LSAMP: variants seen among roughly 807,000 people sequenced by gnomAD.
LSAMP encodes the protein limbic system-associated membrane protein.
Under a neutral mutation model 38.6 loss-of-function variants are expected in LSAMP, and 7 were observed. That is an observed-to-expected ratio of 0.18 (90% confidence interval 0.10 to 0.34). The LOEUF (loss-of-function observed/expected upper bound fraction) is 0.34. Ranked by LOEUF, LSAMP falls within the 10% of genes least tolerant of loss-of-function variation. LSAMP has a pLI of 1.00. For missense variants in LSAMP, 313 were observed against 420.0 expected (o/e 0.75, Z 2.23); for synonymous variants, 154 against 166.8 (o/e 0.92, Z 0.59).
At chr3:116,129,486 A>G (rs1372283565) in intron 1 of LSAMP, among the ~76,000 whole-genome samples, 4 of 152,334 alleles carry the variant, frequency 2.6e-5, no homozygotes, top group Middle Eastern at 3.4e-3. Context: ...TTTATTTACA[A>G]AAAGGAAATC....
chr3:116,022,251 T>C (rs1171651261), intron 2 of LSAMP, among the ~76,000 whole-genome samples: 5 of 150,408 alleles, frequency 3.3e-5, no homozygotes, highest in African/African-American at 1.2e-4. Context: ...TTTTTTTTTC[T>C]TTTTTCCTGT....
chr3:116,102,873 G>A lies in LSAMP; in HGVS notation c.156-16317C>T, dbSNP rs545498161. On this transcript the variant is annotated intron_variant, in intron 1 of 6. Coordinates refer to ENST00000490035, the MANE Select transcript of LSAMP (RefSeq NM_002338.5). Reference sequence around the variant, plus strand: ...AGTAAGTTTTAACAAAATATTTTAAGTAAGCTGAGCTTAGCTCAATCAAAT... The same window carrying A: ...AGTAAGTTTTAACAAAATATTTTAAATAAGCTGAGCTTAGCTCAATCAAAT... Among the ~76,000 whole-genome samples, 4 of 152,236 alleles carry A rather than the reference G, an allele frequency of 2.6e-5. No individual in the cohort carries two copies. The South Asian group carries it at 6.2e-4, about 24-fold the overall frequency.
rs376107993 is a variant in LSAMP at position 116,260,683 on chromosome 3, C to A, written c.156-174127G>T. ...GGATAGGACTTCTTTGCTGCTACAC[C>A]AGCATAACTTCCAGGTTTCTAACTC... On this transcript the variant is annotated intron_variant, in intron 1 of 6. Transcript: ENST00000490035. Among the ~76,000 whole-genome samples the A allele has an allele frequency of 4.6e-5, 7 of 152,210 alleles. No individual in the cohort carries two copies. The East Asian group carries it at 1.4e-3, about 29-fold the overall frequency.
chr3:116,272,252 C>CTGTT (rs1445532756), intron 1 of LSAMP, among the ~76,000 whole-genome samples: 1 of 152,052 alleles, frequency 6.6e-6, no homozygotes, highest in Non-Finnish European at 1.5e-5. Context: ...ATCCTGAGTC[C>CTGTT]TGTTTTATCA....
intron 6 of LSAMP, among the ~76,000 whole-genome samples, chr3:115,839,355 CTTTCTTTTCT>C (rs2107499814): frequency 6.9e-6 from 1 of 145,864 alleles, no homozygotes; most frequent in South Asian, 2.2e-4. Flanking sequence ...CTCTCTTTTC[CTTTCTTTTCT>C]TTTAGAACTC....
At chr3:115,980,960 G>C (rs985443215) in intron 3 of LSAMP, among the ~76,000 whole-genome samples, 2 of 152,014 alleles carry the variant, frequency 1.3e-5, no homozygotes, top group African/African-American at 2.4e-5. Context: ...GTGAATTGTC[G>C]TTTCACTGGT....
intron 3 of LSAMP, among the ~76,000 whole-genome samples, chr3:115,997,665 G>C (rs1383590361): frequency 6.9e-6 from 1 of 145,492 alleles, no homozygotes; most frequent in African/African-American, 2.5e-5. Flanking sequence ...AGGCAGGACT[G>C]TGTAGCTAGG....
chr3:115,807,152 T>C lies in LSAMP; in HGVS notation c.*3165A>G, dbSNP rs1312663566. 1 of 152,188 alleles carries C rather than the reference T, an allele frequency of 6.6e-6. No individual in the cohort carries two copies. Among genetic ancestry groups the C allele is most frequent in the African/African-American group, 2.4e-5 (1 of 41,446 alleles). The allele number at this position is 152,188 out of a possible 1,614,324, so 9.4% of individuals were successfully genotyped here. On this transcript the variant is annotated 3_prime_UTR_variant, in exon 7 of 7. Transcript: ENST00000490035. Reference sequence around the variant, plus strand: ...ATTCTTGAAGGAATTTATTCCAATATGATTAACTAAATTCCAAGAAGTCTT... The same window carrying C: ...ATTCTTGAAGGAATTTATTCCAATACGATTAACTAAATTCCAAGAAGTCTT...
chr3:116,371,090 A>G (rs900915717), intron 1 of LSAMP, among the ~76,000 whole-genome samples: 4 of 152,216 alleles, frequency 2.6e-5, no homozygotes, highest in South Asian at 2.1e-4. Flanking sequence ...ACAACAGCCC[A>G]GTAACTGATG....
At chr3:116,008,252 C>T (rs569164133) in intron 3 of LSAMP, among the ~76,000 whole-genome samples, 64 of 152,236 alleles carry the variant, frequency 4.2e-4, no homozygotes, top group East Asian at 1.2e-3. Flanking sequence ...GTTTTACAGA[C>T]GGAAAGTAGA....
At chr3:115,972,807 A>C (rs142624416) in intron 3 of LSAMP, among the ~76,000 whole-genome samples, 15 of 150,606 alleles carry the variant, frequency 1.0e-4, no homozygotes, top group African/African-American at 3.6e-4. Flanking sequence ...TGATGCAGTT[A>C]TTGTGAGGAT....
At chr3:116,181,718 G>A (rs1424937359) in intron 1 of LSAMP, among the ~76,000 whole-genome samples, 1 of 151,876 alleles carries the variant, frequency 6.6e-6, no homozygotes, top group African/African-American at 2.4e-5. Flanking sequence ...TCCTAAGATA[G>A]ACAGCCATTA....
At chr3:116,356,277 A>G (rs1293269099) in intron 1 of LSAMP, among the ~76,000 whole-genome samples, 4 of 152,254 alleles carry the variant, frequency 2.6e-5, no homozygotes, top group African/African-American at 9.6e-5. Flanking sequence ...CTCTGTAACA[A>G]CATGGATGGA....
At chr3:115,928,253 C>T (rs371693762) in intron 3 of LSAMP, among the ~76,000 whole-genome samples, 19 of 152,262 alleles carry the variant, frequency 1.2e-4, no homozygotes, top group Middle Eastern at 3.4e-3. Context: ...CCTTAGCTTT[C>T]GCCTTTACTT....
At chr3:116,072,499 A>G (rs1423426453) in intron 2 of LSAMP, among the ~76,000 whole-genome samples, 2 of 152,108 alleles carry the variant, frequency 1.3e-5, no homozygotes, top group Non-Finnish European at 2.9e-5. Flanking sequence ...GATTGGACTG[A>G]TTTATACTCA....
chr3:116,040,360 G>A (rs1576326029), intron 2 of LSAMP, among the ~76,000 whole-genome samples: 1 of 152,180 alleles, frequency 6.6e-6, no homozygotes, highest in East Asian at 1.9e-4. Flanking sequence ...GGAGGTGACA[G>A]TTGTCCAACG....
intron 1 of LSAMP, among the ~76,000 whole-genome samples, chr3:116,265,689 G>T (rs1414193041): frequency 1.3e-5 from 2 of 152,184 alleles, no homozygotes; most frequent in African/African-American, 4.8e-5. Context: ...TGATTAGATT[G>T]AACAGGGTTA....
intron 1 of LSAMP, among the ~76,000 whole-genome samples, chr3:116,132,972 A>C (rs1201307021): frequency 1.3e-5 from 2 of 152,220 alleles, no homozygotes; most frequent in Non-Finnish European, 2.9e-5. Context: ...AGGGTTTGAC[A>C]AAATAGAATG....
intron 1 of LSAMP, among the ~76,000 whole-genome samples, chr3:116,377,289 C>T (rs887752566): frequency 6.6e-6 from 1 of 152,022 alleles, no homozygotes; most frequent in African/African-American, 2.4e-5. Flanking sequence ...TCCATGTGTT[C>T]TCATTGTTCA....
Sources: allele counts gnomAD v4.1 joint callset (sites outside exome capture counted in the v4.1 genomes callset), GRCh38; gene constraint gnomAD v4.1.1; transcripts MANE v1.5; gene names NCBI Gene and HGNC (gene_info 2026-07-23, HGNC 2026-07-21).